The following PTPRD variants were observed in gnomAD, a reference collection of about 807,000 sequenced individuals.
PTPRD encodes the protein receptor-type tyrosine-protein phosphatase delta.
A neutral mutation model predicts 214.5 loss-of-function variants in PTPRD; 34 were observed. The observed-to-expected ratio is 0.16, with a 90% CI of 0.12 to 0.21. PTPRD has a LOEUF of 0.21. Ranked by LOEUF, PTPRD falls within the 10% of genes least tolerant of loss-of-function variation. The pLI, the probability that PTPRD is intolerant of heterozygous loss-of-function variation, is 1.00. For missense variants in PTPRD, 2,545 were observed against 2,398.7 expected (o/e 1.06, Z -1.27); for synonymous variants, 1,128 against 845.7 (o/e 1.33, Z -5.79).
At chr9:8,426,998 T>C (rs2094721418) in intron 35 of PTPRD, among the ~76,000 whole-genome samples, 1 of 152,160 alleles carries the variant, frequency 6.6e-6, no homozygotes, top group Non-Finnish European at 1.5e-5. Context: ...GCTGTGTCTT[T>C]GTGTTCTACT....
At chr9:9,614,666 T>C (rs10977877) in intron 7 of PTPRD, among the ~76,000 whole-genome samples, 56,692 of 152,054 alleles carry the variant, frequency 0.37, 11,143 homozygotes, top group Middle Eastern at 0.5. Flanking sequence ...TATTTTGCAG[T>C]ATATGCATAG....
chr9:9,450,511 G>C (rs1019469940), intron 8 of PTPRD, among the ~76,000 whole-genome samples: 1 of 151,554 alleles, frequency 6.6e-6, no homozygotes, highest in African/African-American at 2.4e-5. Context: ...ATTTCCCATA[G>C]CTATTTTTCT....
chr9:9,006,915 T>G (rs912131429), intron 11 of PTPRD, among the ~76,000 whole-genome samples: 1 of 151,972 alleles, frequency 6.6e-6, no homozygotes, highest in Non-Finnish European at 1.5e-5. Context: ...GCTAGATAAA[T>G]GTAGACAGTA....
chr9:10,076,177 G>A (rs918857667), intron 3 of PTPRD, among the ~76,000 whole-genome samples: 1 of 151,948 alleles, frequency 6.6e-6, no homozygotes, highest in Non-Finnish European at 1.5e-5. Flanking sequence ...CAGGTTTGAG[G>A]GTCTACGTCT....
intron 43 of PTPRD, among the ~76,000 whole-genome samples, chr9:8,337,581 T>A (rs894791066): frequency 5.9e-5 from 9 of 151,988 alleles, no homozygotes; most frequent in Admixed American, 3.3e-4. Context: ...TCTGCACATG[T>A]ATTCAGGACT....
chr9:9,966,160 G>A (rs1048020432), intron 4 of PTPRD, among the ~76,000 whole-genome samples: 6 of 152,068 alleles, frequency 3.9e-5, no homozygotes, highest in Non-Finnish European at 8.8e-5. Flanking sequence ...TCCTAAATTG[G>A]CAATTCTATT....
intron 9 of PTPRD, among the ~76,000 whole-genome samples, chr9:9,354,952 A>C (rs1346910062): frequency 3.3e-5 from 5 of 151,838 alleles, no homozygotes; most frequent in Non-Finnish European, 7.4e-5. Flanking sequence ...ATGTGACAGT[A>C]GTGGAGTGTG....
intron 2 of PTPRD, among the ~76,000 whole-genome samples, chr9:10,561,246 T>A (rs1017537254): frequency 4.6e-5 from 7 of 152,036 alleles, no homozygotes; most frequent in African/African-American, 1.7e-4. Context: ...GTAGGAATAG[T>A]AGCACTTATC....
At chr9:9,272,156 C>T (rs996995860) in intron 9 of PTPRD, among the ~76,000 whole-genome samples, 12 of 150,996 alleles carry the variant, frequency 7.9e-5, no homozygotes, top group Non-Finnish European at 1.5e-4. Flanking sequence ...TGTATCCTTC[C>T]CAAAATATAC....
rs141325096 is a variant in PTPRD at position 9,464,977 on chromosome 9, A to T, written c.-236-67495T>A. On this transcript the variant is annotated intron_variant, in intron 8 of 45. Transcript: ENST00000381196. ...TGCATATTTTAGGGTAGGGTTGTAAAGTACAGAATAATTGAAGTTTCTTGT... is the reference window on the plus strand; with the variant it reads ...TGCATATTTTAGGGTAGGGTTGTAATGTACAGAATAATTGAAGTTTCTTGT... Among the ~76,000 whole-genome samples the T allele has an allele frequency of 4.4e-3, 663 of 152,324 alleles. 1 individual carries two copies. The highest frequency in any genetic ancestry group is 0.014 in the African/African-American group (594 of 41,582).
In PTPRD at chr9:8,340,746, C is replaced by T. The variant is rs538467270; in HGVS notation, c.5127-277G>A. 2.0e-5 allele frequency among the ~76,000 whole-genome samples: 3 copies of T among 147,658 alleles called. No homozygotes were observed. In the East Asian group the frequency reaches 6.8e-4, roughly 33 times the overall value. ...CTAATAGCTCAATTTCATTGTCATACAAATTACTTAAGAAACACTTAGATG... is the reference window on the plus strand; with the variant it reads ...CTAATAGCTCAATTTCATTGTCATATAAATTACTTAAGAAACACTTAGATG... On this transcript the variant is annotated intron_variant, in intron 41 of 45. Coordinates refer to ENST00000381196, the MANE Select transcript of PTPRD (RefSeq NM_002839.4).
chr9:10,120,206 C>G (rs963103538), intron 3 of PTPRD, among the ~76,000 whole-genome samples: 1 of 151,712 alleles, frequency 6.6e-6, no homozygotes, highest in African/African-American at 2.4e-5. Context: ...AAATGAATTA[C>G]TTGCATTATT....
intron 11 of PTPRD, among the ~76,000 whole-genome samples, chr9:8,755,226 A>C (rs934692649): frequency 2.0e-5 from 3 of 149,754 alleles, no homozygotes; most frequent in Non-Finnish European, 4.4e-5. Context: ...ATTAAAAAAA[A>C]AAAAAACAAA....
chr9:9,530,261 A>G (rs1178534180), intron 8 of PTPRD, among the ~76,000 whole-genome samples: 1 of 152,186 alleles, frequency 6.6e-6, no homozygotes, highest in Non-Finnish European at 1.5e-5. Flanking sequence ...TTCCAGACAG[A>G]AGAGTGAAGA....
intron 7 of PTPRD, among the ~76,000 whole-genome samples, chr9:9,687,721 T>C (rs1342114180): frequency 6.6e-6 from 1 of 151,786 alleles, no homozygotes; most frequent in African/African-American, 2.4e-5. Context: ...CAAGATTCTA[T>C]TTTCATTTTA....
At chr9:10,127,685 C>G (rs960016198) in intron 3 of PTPRD, among the ~76,000 whole-genome samples, 1 of 152,102 alleles carries the variant, frequency 6.6e-6, no homozygotes, top group African/African-American at 2.4e-5. Flanking sequence ...AATATACAAC[C>G]TACACTGGTA....
At chr9:8,625,232 T>C (rs1302147883) in intron 14 of PTPRD, among the ~76,000 whole-genome samples, 1 of 151,816 alleles carries the variant, frequency 6.6e-6, no homozygotes, top group African/African-American at 2.4e-5. Context: ...AAAACATACA[T>C]ATATGCAAAT....
intron 7 of PTPRD, among the ~76,000 whole-genome samples, chr9:9,733,846 T>C (rs1282699695): frequency 1.3e-5 from 2 of 152,146 alleles, no homozygotes; most frequent in Non-Finnish European, 2.9e-5. Flanking sequence ...GATCCCAATG[T>C]ATGAATGTGA....
chr9:9,505,159 T>C (rs1405739391), intron 8 of PTPRD, among the ~76,000 whole-genome samples: 1 of 151,632 alleles, frequency 6.6e-6, no homozygotes, highest in South Asian at 2.1e-4. Context: ...CCCTAATAAA[T>C]CATTTGCATG....
Sources: gnomAD v4.1 joint callset for allele counts (sites outside exome capture counted in the v4.1 genomes callset) on GRCh38, gnomAD v4.1.1 for gene constraint, MANE v1.5 for transcripts, NCBI Gene and HGNC (gene_info 2026-07-23, HGNC 2026-07-21) for gene names.